The following ALG3 variants were observed in gnomAD, a reference collection of about 807,000 sequenced individuals.
The protein encoded by ALG3 is ALG3 alpha-1,3- mannosyltransferase.
A neutral mutation model predicts 50.5 loss-of-function variants in ALG3; 39 were observed. The ratio of observed to expected loss-of-function variants is 0.77; its 90% CI spans 0.60 to 1.01. The LOEUF is 1.01. ALG3 is among the 50% of genes least tolerant of loss of function. ALG3 has a pLI of 0.00. For synonymous variants in ALG3, 252 were observed against 237.2 expected (o/e 1.06, Z -0.58); for missense variants, 520 against 554.8 (o/e 0.94, Z 0.63).
chr3:184,249,476 G>A, upstream of ALG3: 1 of 752,134 alleles, frequency 1.3e-6, no homozygotes. Context: ...GCGGCCCTAG[G>A]AAATGACTTG....
intron 1 of ALG3, among the ~76,000 whole-genome samples, chr3:184,246,166 G>A (rs1382669346): frequency 6.6e-6 from 1 of 152,106 alleles, no homozygotes; most frequent in African/African-American, 2.4e-5. Flanking sequence ...GTTCCTCACC[G>A]TAAATATCTC....
intron 7 of ALG3, 169 bp downstream of exon 7, chr3:184,243,385 C>A: frequency 4.7e-6 from 3 of 636,818 alleles, no homozygotes; most frequent in South Asian, 1.9e-5. Context: ...AATTAAGAAT[C>A]AAATATCCTT....
chr3:184,242,706 A>T (rs750187409), intron 8 of ALG3, 30 bp from the exon 9 acceptor site: 2 of 1,567,006 alleles, frequency 1.3e-6, no homozygotes, highest in African/African-American at 2.7e-5. Flanking sequence ...TCCACGTTTC[A>T]TCCAGTTGCA....
At position 184,245,347 on chromosome 3, in the gene ALG3, G is replaced by A. The variant is rs775788284; in HGVS notation, c.456C>T (p.Phe152=). 6.9e-5 allele frequency: 112 copies of A among 1,612,442 alleles called. No individual in the cohort carries two copies. Among genetic ancestry groups the A allele is most frequent in the Non-Finnish European group, 9.2e-5 (108 of 1,179,262 alleles). ...IYHQTCKVPP[F]VFFFMCCASY... The stretch of plus-strand genomic sequence containing the variant: ...AGGCGCAGCACATGAAGAAAAAGAC[G>A]AAGGGAGGTACCTAAAGGGAAAACA... Residue 152 remains phenylalanine (F), a synonymous_variant, in exon 4 of 9, where the codon TTC becomes TTT. Transcript: ENST00000397676.
intron 1 of ALG3, 79 bp downstream of exon 1, chr3:184,248,666 A>G (rs1719321432): frequency 7.6e-7 from 1 of 1,311,210 alleles, no homozygotes; most frequent in Non-Finnish European, 1.0e-6. Context: ...TCTGGTTTGG[A>G]GTTCCAGGTC....
intron 1 of ALG3, among the ~76,000 whole-genome samples, chr3:184,247,156 G>A (rs1260104695): frequency 6.6e-6 from 1 of 151,800 alleles, no homozygotes; most frequent in Non-Finnish European, 1.5e-5. Context: ...TGCCCGCCTC[G>A]GGCTCCCAAA....
At position 184,243,916 on chromosome 3, in the gene ALG3, C is replaced by T; in HGVS notation, c.807G>A (p.Leu269=). 1 of 1,613,932 alleles carries T rather than the reference C, an allele frequency of 6.2e-7. No individual in the cohort carries two copies. Residue 269 remains leucine, a synonymous_variant, in exon 6 of 9, where the codon CTG becomes CTA. Transcript: ENST00000397676. ...SRSFDLGRQF[L]FHWTVNWRFL... ...AGCGCCAGTTCACTGTCCAGTGGAA[C>T]AGAAACTGGCGGCCAAGGTCAAAGG...
chr3:184,243,700 C>T, intron 6 of ALG3, 70 bp from the exon 7 acceptor site: 2 of 1,599,494 alleles, frequency 1.3e-6, no homozygotes, highest in South Asian at 1.1e-5. Context: ...ACCCCATGAG[C>T]TTAACTGACA....
Position 184,242,638 on chromosome 3 carries a change from G to A in ALG3, c.1193C>T (p.Thr398Ile), listed in dbSNP as rs889118173. Residue 398 changes from threonine to isoleucine, a missense_variant, in exon 9 of 9, where the codon ACA (threonine) becomes ATA (isoleucine). Physicochemically the swap from Thr to Ile is moderately conservative, Grantham distance 89. This residue lies in a region of ALG3 where 224 missense variants were observed against 272.8 expected (regional missense o/e 0.82). Coordinates refer to ENST00000397676, the MANE Select transcript of ALG3 (RefSeq NM_005787.6). ...AGAGCTGCAGGATGTGGAAGGGTAT[G>A]TGTTCCAGGAGAGCTCGATGAGCCC... The part of the protein sequence containing the change: ...VLGLIELSWN[T>I]YPSTSCSSAA... The A allele has an allele frequency of 3.2e-5, 51 of 1,570,312 alleles. No individual in the cohort carries two copies. The highest frequency in any genetic ancestry group is 4.4e-5 in the Non-Finnish European group (51 of 1,155,066).
rs1284446910 is a variant in ALG3, at chr3:184,245,338, G to A, written c.465C>T (p.Phe155=). 1.9e-6 allele frequency: 3 copies of A among 1,612,556 alleles called. No individual in the cohort carries two copies. Among genetic ancestry groups the A allele is most frequent in the Non-Finnish European group, 2.5e-6 (3 of 1,179,280 alleles). Residue 155 remains phenylalanine (F), a synonymous_variant, in exon 4 of 9, where the codon TTC becomes TTT. Coordinates refer to ENST00000397676, the MANE Select transcript of ALG3 (RefSeq NM_005787.6). ...QTCKVPPFVF[F]FMCCASYRVH... The stretch of plus-strand genomic sequence containing the variant: ...CACGGTAAGAGGCGCAGCACATGAA[G>A]AAAAAGACGAAGGGAGGTACCTAAA...
chr3:184,243,123 T>C, intron 7 of ALG3, 166 bp from the exon 8 acceptor site: 1 of 917,844 alleles, frequency 1.1e-6, no homozygotes, highest in South Asian at 1.6e-5. Context: ...CAACCAAATA[T>C]GGAATATGGA....
chr3:184,242,447 A>G lies in ALG3; in HGVS notation c.*67T>C, dbSNP rs1718839443. On this transcript the variant is annotated 3_prime_UTR_variant, in exon 9 of 9. Transcript: ENST00000397676. ...GTTGGACTTAGCAAGGTTTATTTGGAAGGGCAGAGTCCAACCAACCCCAGG... is the reference window on the plus strand; with the variant it reads ...GTTGGACTTAGCAAGGTTTATTTGGGAGGGCAGAGTCCAACCAACCCCAGG... 1.3e-6 allele frequency: 2 copies of G among 1,557,134 alleles called. No homozygotes were observed. The highest frequency in any genetic ancestry group is 1.7e-6 in the Non-Finnish European group (2 of 1,145,220).
At chr3:184,249,430 G>A, upstream of ALG3, 1 of 884,784 alleles carries the variant, frequency 1.1e-6, no homozygotes, top group Non-Finnish European at 1.7e-6. Context: ...ATGAGAGGAC[G>A]CAGTGATGAG....
chr3:184,244,900 G>T, intron 4 of ALG3, 179 bp from the exon 5 acceptor site: 1 of 881,258 alleles, frequency 1.1e-6, no homozygotes, highest in Non-Finnish European at 1.7e-6. Context: ...TAGGCAGGAG[G>T]CAGATACATA....
rs373586664 is a variant in ALG3 at position 184,244,594 on chromosome 3, G to T, written c.726+7C>A. 6.2e-7 allele frequency: 1 copy of T among 1,607,106 alleles called. No individual in the cohort carries two copies. The stretch of plus-strand genomic sequence containing the variant: ...GATTAGAAAGAGGAAGGGTGAGATG[G>T]GGGTACCTGAAGGCCAGCACAGATT... On this transcript the variant is annotated splice_region_variant and intron_variant, in intron 5 of 8. Coordinates refer to ENST00000397676, the MANE Select transcript of ALG3 (RefSeq NM_005787.6).
At chr3:184,243,702 T>G (rs1341942277) in intron 6 of ALG3, 72 bp from the exon 7 acceptor site, 1 of 1,597,994 alleles carries the variant, frequency 6.3e-7, no homozygotes, top group African/African-American at 1.3e-5. Context: ...CCCATGAGCT[T>G]AACTGACACT....
chr3:184,244,663 G>C lies in ALG3; in HGVS notation c.664C>G (p.Leu222Val). 6.2e-7 allele frequency: 1 copy of C among 1,611,114 alleles called. No homozygotes were observed. Among genetic ancestry groups the C allele is most frequent in the Non-Finnish European group, 8.5e-7 (1 of 1,178,780 alleles). The change falls in exon 5 of 9, where the codon CTC becomes GTC. Residue 222 changes from leucine (L) to valine (V), a missense_variant. By Grantham distance (32) the Leu-to-Val change is conservative (BLOSUM62 1). This residue lies in a region of ALG3 where 224 missense variants were observed against 272.8 expected (regional missense o/e 0.82). Coordinates refer to ENST00000397676, the MANE Select transcript of ALG3 (RefSeq NM_005787.6). ...CCACGGAAGCCAAACTGTGTGAGGA[G>C]AAGAAACAGTAACCCAGGGGCGAAG... ...LLFAPGLLFL[L>V]LTQFGFRGAL...
intron 6 of ALG3, 75 bp downstream of exon 6, chr3:184,243,716 C>A (rs1718964694): frequency 2.5e-6 from 4 of 1,592,628 alleles, no homozygotes; most frequent in East Asian, 2.3e-5. Flanking sequence ...TGACACTTCC[C>A]CCAAGCAGCC....
chr3:184,242,392 C>T lies in ALG3; in HGVS notation c.*122G>A. On this transcript the variant is annotated 3_prime_UTR_variant, in exon 9 of 9. Coordinates refer to ENST00000397676, the MANE Select transcript of ALG3 (RefSeq NM_005787.6). ...CCTCACAGCCTGGACCAGGCATCGG[C>T]TGCCCCCACCTCCATGTAGGTTGCA... 1 of 1,258,772 alleles carries T rather than the reference C, an allele frequency of 7.9e-7. No homozygotes were observed. The highest frequency in any genetic ancestry group is 1.3e-5 in the South Asian group (1 of 77,538). The allele number at this position is 1,258,772 out of a possible 1,614,324, so 78.0% of individuals were successfully genotyped here.
Sources: allele counts gnomAD v4.1 joint callset (sites outside exome capture counted in the v4.1 genomes callset), GRCh38; gene constraint gnomAD v4.1.1; regional missense constraint gnomAD v4.1.1; transcripts MANE v1.5; gene names NCBI Gene and HGNC (gene_info 2026-07-23, HGNC 2026-07-21).